The following LRP2 variants were observed in gnomAD, a reference collection of about 807,000 sequenced individuals.
LRP2 encodes LDL receptor related protein 2, also known as low-density lipoprotein receptor-related protein 2.
LRP2 carries 172 observed loss-of-function variants against 531.0 expected under a neutral mutation model. The ratio of observed to expected loss-of-function variants is 0.32; its 90% confidence interval spans 0.29 to 0.37. The LOEUF is 0.37. LRP2 is among the 10% of genes least tolerant of loss of function. The pLI, the probability that LRP2 is intolerant of heterozygous loss-of-function variation, is 1.00. For missense variants in LRP2, 5,167 were observed against 5,868.3 expected (o/e 0.88, Z 3.90); for synonymous variants, 1,992 against 2,027.6 (o/e 0.98, Z 0.47).
chr2:169,143,801 T>A (rs1685814497), intron 70 of LRP2, among the ~76,000 whole-genome samples: 1 of 152,228 alleles, frequency 6.6e-6, no homozygotes, highest in Non-Finnish European at 1.5e-5. Context: ...TATTATGATT[T>A]ATCCAAGGGT....
chr2:169,346,544 T>G (rs1685701680), intron 1 of LRP2, among the ~76,000 whole-genome samples: 1 of 152,124 alleles, frequency 6.6e-6, no homozygotes, highest in African/African-American at 2.4e-5. Flanking sequence ...CACAGTAACT[T>G]TAAAGAAAAA....
Position 169,213,827 on chromosome 2 carries a change from A to T in LRP2, c.5870T>A (p.Val1957Glu). 1 of 1,613,846 alleles carries T rather than the reference A, an allele frequency of 6.2e-7. No homozygotes were observed. The highest frequency in any genetic ancestry group is 8.5e-7 in the Non-Finnish European group (1 of 1,179,816). ...TCCCCAGGGGTGGGAAAGCTGGTGT[A>T]CCAGGATCATTCGATCTGTTCCATC... The part of the protein sequence containing the change: ...NVDGTDRMIL[V>E]HQLSHPWGIA... Residue 1957 changes from valine (V) to glutamate (E), a missense_variant, in exon 36 of 79, where the codon GTA (valine) becomes GAA (glutamate). By Grantham distance (121) the Val-to-Glu change is moderately radical. Coordinates refer to ENST00000649046, the MANE Select transcript of LRP2 (RefSeq NM_004525.3).
At chr2:169,204,787 A>T (rs1239707274) in intron 41 of LRP2, among the ~76,000 whole-genome samples, 1 of 152,236 alleles carries the variant, frequency 6.6e-6, no homozygotes, top group Non-Finnish European at 1.5e-5. Context: ...CCAAAGAAAT[A>T]TGCAAGAAAA....
intron 1 of LRP2, among the ~76,000 whole-genome samples, chr2:169,347,235 T>C (rs1229180206): frequency 2.0e-5 from 3 of 152,226 alleles, no homozygotes; most frequent in Admixed American, 6.5e-5. Flanking sequence ...GAGGAAAGAA[T>C]GTCTTACTCC....
chr2:169,147,065 G>C lies in LRP2; in HGVS notation c.12591-106C>G, dbSNP rs114936025. The C allele has an allele frequency of 4.2e-3, 3,754 of 886,126 alleles. 90 individuals carry two copies. The African/African-American group carries it at 0.053, about 12-fold the overall frequency. The allele number at this position is 886,126 out of a possible 1,614,324, so 54.9% of individuals were successfully genotyped here. ...AGGGAAACCAACTGTTTATCTCAGG[G>C]ACCTGGGTGCTCAGTGACACCAGTT... On this transcript the variant is annotated intron_variant, in intron 68 of 78. Transcript: ENST00000649046.
At chr2:169,245,752 G>T (rs1689982109) in intron 21 of LRP2, among the ~76,000 whole-genome samples, 1 of 152,110 alleles carries the variant, frequency 6.6e-6, no homozygotes, top group African/African-American at 2.4e-5. Flanking sequence ...TGGGAGAAAA[G>T]GAATATAACA....
chr2:169,244,702 T>G lies in LRP2; in HGVS notation c.3421A>C (p.Lys1141Gln), dbSNP rs1689938293. 1.3e-5 allele frequency: 21 copies of G among 1,614,230 alleles called. No individual in the cohort carries two copies. Among genetic ancestry groups the G allele is most frequent in the Non-Finnish European group, 1.7e-5 (20 of 1,180,046 alleles). ...DNDCGDGSDEKNCNSTETCQP... is the reference protein window; with the variant it reads ...DNDCGDGSDEQNCNSTETCQP... Reference sequence around the variant, plus strand: ...CCAGCTCAAAACTTACTGCAGTTCTTTTCATCAGATCCATCCCCACAATCA... The same window carrying G: ...CCAGCTCAAAACTTACTGCAGTTCTGTTCATCAGATCCATCCCCACAATCA... The change falls in exon 22 of 79, where the codon AAG becomes CAG. Residue 1141 changes from lysine (K) to glutamine (Q), a missense_variant. Physicochemically the swap from Lys to Gln is moderately conservative, Grantham distance 53. Transcript: ENST00000649046.
intron 46 of LRP2, among the ~76,000 whole-genome samples, chr2:169,195,188 T>C (rs73033881): frequency 0.011 from 1,651 of 152,314 alleles, 33 homozygotes; most frequent in African/African-American, 0.037. Flanking sequence ...TAAAAATACA[T>C]GGACCATTCG....
At chr2:169,324,210 A>G (rs1684982832) in intron 1 of LRP2, among the ~76,000 whole-genome samples, 1 of 152,230 alleles carries the variant, frequency 6.6e-6, no homozygotes, top group Non-Finnish European at 1.5e-5. Flanking sequence ...AACTTGCCCA[A>G]GATCCAACAG....
intron 16 of LRP2, among the ~76,000 whole-genome samples, chr2:169,264,154 T>G (rs879832790): frequency 7.2e-5 from 11 of 151,906 alleles, no homozygotes; most frequent in Non-Finnish European, 1.5e-4. Flanking sequence ...AGATGACGAG[T>G]TAGTGGGTGC....
At chr2:169,204,292 A>C in intron 41 of LRP2, 21 bp from the exon 42 acceptor site, 2 of 1,606,714 alleles carry the variant, frequency 1.2e-6, no homozygotes, top group Middle Eastern at 3.3e-4. Context: ...GCAAAAAAAA[A>C]TTTAGAAGTT....
chr2:169,232,618 G>C (rs1189278565), intron 30 of LRP2, among the ~76,000 whole-genome samples: 2 of 152,148 alleles, frequency 1.3e-5, no homozygotes, highest in Non-Finnish European at 2.9e-5. Context: ...ATTTTAGGTA[G>C]AGCGGTCAAT....
At chr2:169,274,989 C>G (rs758808447) in intron 14 of LRP2, 47 bp downstream of exon 14, 2 of 1,586,198 alleles carry the variant, frequency 1.3e-6, no homozygotes, top group East Asian at 2.2e-5. Flanking sequence ...GAAAACCTTT[C>G]CACCAAGTCC....
chr2:169,137,374 G>A lies in LRP2; in HGVS notation c.13620+18C>T. On this transcript the variant is annotated intron_variant, in intron 76 of 78. Transcript: ENST00000649046. ...AGCGACAGCAGTAACTGAAAGAAAA[G>A]ACTGTATGGTTTCTCACCTGGATTG... 6.5e-7 allele frequency: 1 copy of A among 1,536,226 alleles called. No individual in the cohort carries two copies. The highest frequency in any genetic ancestry group is 1.1e-5 in the South Asian group (1 of 89,470).
intron 50 of LRP2, 31 bp downstream of exon 50, chr2:169,185,472 A>G: frequency 6.2e-7 from 1 of 1,608,064 alleles, no homozygotes. Flanking sequence ...TTAATTTTTA[A>G]CTTTTAAAAA....
At chr2:169,188,900 C>G (rs993474022) in intron 48 of LRP2, among the ~76,000 whole-genome samples, 1 of 152,210 alleles carries the variant, frequency 6.6e-6, no homozygotes, top group African/African-American at 2.4e-5. Flanking sequence ...CTCCTGCCAT[C>G]TATCATGAGA....
chr2:169,225,118 T>A (rs1331070883), intron 33 of LRP2, among the ~76,000 whole-genome samples, 192 bp downstream of exon 33: 1 of 151,782 alleles, frequency 6.6e-6, no homozygotes, highest in African/African-American at 2.4e-5. Context: ...TAAATAAAAA[T>A]AAATTTAAAA....
intron 34 of LRP2, among the ~76,000 whole-genome samples, chr2:169,218,911 T>G (rs1688889426): frequency 6.6e-6 from 1 of 152,198 alleles, no homozygotes; most frequent in Non-Finnish European, 1.5e-5. Context: ...TCCCATCTTC[T>G]GCCCAAACCC....
rs766568736 is a variant in LRP2, at chr2:169,193,807, A to G, written c.8784T>C (p.Asp2928=). Reference sequence around the variant, plus strand: ...CGTCACTCATATCCCCACAGTCATTATCACCGTCACAGATCCATTCGCTTG... The same window carrying G: ...CGTCACTCATATCCCCACAGTCATTGTCACCGTCACAGATCCATTCGCTTG... ...CIPSEWICDG[D]NDCGDMSDED... Residue 2928 remains aspartate, a synonymous_variant, in exon 47 of 79, where the codon GAT becomes GAC. Transcript: ENST00000649046. 6 of 1,614,182 alleles carry G rather than the reference A, an allele frequency of 3.7e-6. No individual in the cohort carries two copies. Among genetic ancestry groups the G allele is most frequent in the East Asian group, 2.2e-5 (1 of 44,884 alleles).
Sources: allele counts gnomAD v4.1 joint callset (sites outside exome capture counted in the v4.1 genomes callset), GRCh38; gene constraint gnomAD v4.1.1; transcripts MANE v1.5; gene names NCBI Gene and HGNC (gene_info 2026-07-23, HGNC 2026-07-21).